The following KAZN variants were observed in gnomAD, a reference collection of about 807,000 sequenced individuals.
The protein encoded by KAZN is kazrin, periplakin interacting protein, also known as kazrin.
KAZN carries 40 observed loss-of-function variants against 87.4 expected under a neutral mutation model. That is an observed-to-expected ratio of 0.46 (90% confidence interval 0.36 to 0.60). KAZN has a LOEUF of 0.60. KAZN is among the 20% of genes least tolerant of loss of function. The pLI, the probability that KAZN is intolerant of heterozygous loss-of-function variation, is 0.00. For missense variants in KAZN, 898 were observed against 1,073.9 expected (o/e 0.84, Z 2.29); for synonymous variants, 466 against 458.3 (o/e 1.02, Z -0.22).
chr1:14,987,958 TAGC>T (rs2101933519), intron 2 of KAZN, among the ~76,000 whole-genome samples: 1 of 151,968 alleles, frequency 6.6e-6, no homozygotes, highest in East Asian at 1.9e-4. Context: ...GAGGAGAAAA[TAGC>T]AGGAGTTGGG....
intron 2 of KAZN, among the ~76,000 whole-genome samples, chr1:14,480,979 A>C (rs1445786845): frequency 6.6e-6 from 1 of 150,430 alleles, no homozygotes; most frequent in Non-Finnish European, 1.5e-5. Context: ...TTTATATTAC[A>C]CACACAAGAT....
chr1:14,137,047 T>C (rs564019855), intron 1 of KAZN, among the ~76,000 whole-genome samples: 2 of 152,308 alleles, frequency 1.3e-5, no homozygotes, highest in Admixed American at 6.5e-5. Flanking sequence ...CTCTTTGTCT[T>C]CTGAGGCAGG....
At chr1:14,826,190 ACTCCTTT>A (rs1367356298) in intron 1 of KAZN, among the ~76,000 whole-genome samples, 4 of 152,104 alleles carry the variant, frequency 2.6e-5, no homozygotes, top group Non-Finnish European at 5.9e-5. Context: ...GCACAGAGAG[ACTCCTTT>A]TGTTGTTCCT....
intron 1 of KAZN, among the ~76,000 whole-genome samples, chr1:14,885,754 T>C (rs1354825070): frequency 6.6e-6 from 1 of 152,176 alleles, no homozygotes. Context: ...ATCATGTCTC[T>C]TTCCTTCACT....
chr1:14,598,548 C>T (rs1676663702), upstream of KAZN, among the ~76,000 whole-genome samples: 1 of 151,960 alleles, frequency 6.6e-6, no homozygotes, highest in Non-Finnish European at 1.5e-5. The surrounding 1 kb of genome is among the most constrained non-coding windows in gnomAD (Gnocchi z 4.2). Context: ...GCCGCCTCCG[C>T]CCCCCCGGGG....
At position 13,932,097 on chromosome 1, in the gene KAZN, A is replaced by T. The variant is rs890929195; in HGVS notation, c.91+38341A>T. 2.0e-5 allele frequency among the ~76,000 whole-genome samples: 3 copies of T among 148,868 alleles called. No individual in the cohort carries two copies. The Admixed American group carries it at 2.0e-4, about 10-fold the overall frequency. On this transcript the variant is annotated intron_variant, in intron 1 of 16. Coordinates refer to the KAZN transcript ENST00000636203. ...GGTCTCAAATTCCTGACCTCAAGTG[A>T]TACACCTGCCTCAGTCTCCCAAAGT...
At chr1:14,509,389 G>A (rs16850409) in intron 2 of KAZN, among the ~76,000 whole-genome samples, 9,777 of 152,168 alleles carry the variant, frequency 0.064, 535 homozygotes, top group African/African-American at 0.14. Flanking sequence ...CCACTCAAGC[G>A]CATGGTCTTT....
intron 2 of KAZN, among the ~76,000 whole-genome samples, chr1:14,247,432 T>C (rs1389051051): frequency 6.6e-6 from 1 of 152,216 alleles, no homozygotes; most frequent in Non-Finnish European, 1.5e-5. Flanking sequence ...AAAGGATTCC[T>C]GAACTAATTT....
intron 2 of KAZN, among the ~76,000 whole-genome samples, chr1:14,318,326 A>G (rs1655798333): frequency 6.6e-6 from 1 of 152,092 alleles, no homozygotes; most frequent in Admixed American, 6.6e-5. Context: ...TGCTGGCTCT[A>G]GAATGCTATG....
At chr1:14,649,207 GGAGCTCTGATTCACATCCTTC>G (rs1242653605) in intron 1 of KAZN, among the ~76,000 whole-genome samples, 2 of 152,228 alleles carry the variant, frequency 1.3e-5, no homozygotes, top group Non-Finnish European at 2.9e-5. Flanking sequence ...TGATGGCTAA[GGAGCTCTGATTCACATCCTTC>G]CAGAAGGCCG....
At position 14,467,858 on chromosome 1, in the gene KAZN, G is replaced by A. The variant is rs549773814; in HGVS notation, c.250-131125G>A. On this transcript the variant is annotated intron_variant, in intron 2 of 16. Coordinates refer to the KAZN transcript ENST00000636203. ...CCAGGCTTAGCAACTCCAATAGAAC[G>A]TAAGCTTCTTTTTCTCTACTGTACC... Among the ~76,000 whole-genome samples, 13 of 152,152 alleles carry A rather than the reference G, an allele frequency of 8.5e-5. No individual in the cohort carries two copies. In the South Asian group the frequency reaches 1.2e-3, roughly 15 times the overall value.
At chr1:14,182,959 T>A (rs1301892783) in intron 2 of KAZN, among the ~76,000 whole-genome samples, 1 of 152,128 alleles carries the variant, frequency 6.6e-6, no homozygotes, top group Non-Finnish European at 1.5e-5. Flanking sequence ...AGTAACCACA[T>A]CCTTGAACTT....
intron 1 of KAZN, among the ~76,000 whole-genome samples, chr1:14,668,884 T>C (rs1195268873): frequency 2.0e-5 from 3 of 152,204 alleles, no homozygotes; most frequent in African/African-American, 4.8e-5. Flanking sequence ...CAATATGTTA[T>C]ATATTGAAAA....
At chr1:15,098,802 C>T (rs540823139) in intron 10 of KAZN, among the ~76,000 whole-genome samples, 35 of 152,358 alleles carry the variant, frequency 2.3e-4, no homozygotes, top group African/African-American at 4.6e-4. Context: ...GCAGATGACC[C>T]GCTCACCCAG....
At chr1:13,987,281 G>A (rs774067703) in intron 1 of KAZN, among the ~76,000 whole-genome samples, 5 of 151,950 alleles carry the variant, frequency 3.3e-5, no homozygotes, top group East Asian at 1.9e-4. Flanking sequence ...TTTAAGCCCC[G>A]CATGCATCAG....
chr1:14,713,775 C>CAAAAAAA (rs58947119), intron 1 of KAZN, among the ~76,000 whole-genome samples: 9 of 94,602 alleles, frequency 9.5e-5, no homozygotes, highest in East Asian at 5.7e-4. Flanking sequence ...CTCATCTCTA[C>CAAAAAAA]AAAAAAAAAA....
At chr1:14,245,522 G>A (rs184689865) in intron 2 of KAZN, among the ~76,000 whole-genome samples, 14 of 152,016 alleles carry the variant, frequency 9.2e-5, no homozygotes, top group Admixed American at 4.6e-4. Context: ...ATTTTTCACC[G>A]TGATAAAAAA....
intron 1 of KAZN, among the ~76,000 whole-genome samples, chr1:14,089,349 T>C (rs1187346703): frequency 6.6e-6 from 1 of 152,162 alleles, no homozygotes; most frequent in Non-Finnish European, 1.5e-5. Flanking sequence ...TCAATACATA[T>C]ATGATCTTCA....
At chr1:14,672,264 T>C (rs935808868) in intron 1 of KAZN, among the ~76,000 whole-genome samples, 2 of 152,218 alleles carry the variant, frequency 1.3e-5, no homozygotes, top group African/African-American at 2.4e-5. Context: ...GGTTCACTTA[T>C]TGTGGTTCAT....
Sources: allele counts gnomAD v4.1 joint callset (sites outside exome capture counted in the v4.1 genomes callset), GRCh38; gene constraint gnomAD v4.1.1; non-coding constraint Gnocchi (gnomAD v3.1); transcripts MANE v1.5; gene names NCBI Gene and HGNC (gene_info 2026-07-23, HGNC 2026-07-21).